Variants in CACNA2D2 observed in about 807,000 individuals in gnomAD.
The protein encoded by CACNA2D2 is voltage-dependent calcium channel subunit alpha-2/delta-2.
CACNA2D2 carries 48 observed loss-of-function variants against 166.4 expected under a neutral mutation model. The ratio of observed to expected loss-of-function variants is 0.29; its 90% CI spans 0.23 to 0.37. The LOEUF (loss-of-function observed/expected upper bound fraction) is 0.37. Ranked by LOEUF, CACNA2D2 falls within the 10% of genes least tolerant of loss-of-function variation. CACNA2D2 has a pLI of 1.00. For synonymous variants in CACNA2D2, 561 were observed against 573.7 expected (o/e 0.98, Z 0.32); for missense variants, 1,122 against 1,433.0 (o/e 0.78, Z 3.50).
chr3:50,410,934 A>T (rs1706982901), intron 3 of CACNA2D2, among the ~76,000 whole-genome samples: 1 of 152,248 alleles, frequency 6.6e-6, no homozygotes, highest in South Asian at 2.1e-4. Context: ...GGGAAAGCAC[A>T]TCCATGCTGC....
At chr3:50,455,417 G>A (rs937652114) in intron 2 of CACNA2D2, among the ~76,000 whole-genome samples, 1 of 152,176 alleles carries the variant, frequency 6.6e-6, no homozygotes, top group African/African-American at 2.4e-5. Flanking sequence ...ATATGCCTGC[G>A]ACCGGCACAT....
At chr3:50,499,531 G>C (rs1698867243) in intron 1 of CACNA2D2, among the ~76,000 whole-genome samples, 1 of 152,200 alleles carries the variant, frequency 6.6e-6, no homozygotes, top group South Asian at 2.1e-4. Flanking sequence ...TCCCAATGGA[G>C]CCTGCAAAGT....
intron 3 of CACNA2D2, among the ~76,000 whole-genome samples, chr3:50,399,375 G>A (rs1706325912): frequency 6.6e-6 from 1 of 152,202 alleles, no homozygotes; most frequent in African/African-American, 2.4e-5. Flanking sequence ...CAGAGGACAT[G>A]AGAGGCTTAG....
chr3:50,468,831 T>C (rs74283357), intron 2 of CACNA2D2, among the ~76,000 whole-genome samples: 130 of 142,852 alleles, frequency 9.1e-4, no homozygotes, highest in Non-Finnish European at 1.1e-3. Flanking sequence ...TTCTCTCTCT[T>C]TTTTTTTTTT....
In CACNA2D2 at chr3:50,367,591, T is replaced by G; in HGVS notation, c.2297+51A>C. On this transcript the variant is annotated intron_variant, in intron 26 of 37. Coordinates refer to ENST00000424201, the MANE Select transcript of CACNA2D2 (RefSeq NM_006030.4). The surrounding 1 kb of genome is among the most constrained non-coding windows in gnomAD (Gnocchi z 6.5). The stretch of plus-strand genomic sequence containing the variant: ...CAAGGAGGCCTCTGGGCAGAACAGA[T>G]GCAGGTTCCCTGGCAGGGGCAGGGT... 6.2e-7 allele frequency: 1 copy of G among 1,606,764 alleles called. No homozygotes were observed. The highest frequency in any genetic ancestry group is 8.5e-7 in the Non-Finnish European group (1 of 1,174,060).
chr3:50,443,133 C>G (rs567157168), intron 2 of CACNA2D2, among the ~76,000 whole-genome samples: 6 of 152,204 alleles, frequency 3.9e-5, no homozygotes. Flanking sequence ...CCAGCTGGCA[C>G]GGGGGAGTGC....
At chr3:50,499,735 G>C (rs551673102) in intron 1 of CACNA2D2, among the ~76,000 whole-genome samples, 1 of 152,368 alleles carries the variant, frequency 6.6e-6, no homozygotes, top group East Asian at 1.9e-4. Context: ...GGGGACATGA[G>C]TGTGACAAAG....
chr3:50,434,472 C>T (rs377733365), intron 2 of CACNA2D2, 43 bp from the exon 3 acceptor site: 12 of 1,416,726 alleles, frequency 8.5e-6, no homozygotes, highest in Admixed American at 3.4e-5. Flanking sequence ...GGTGGTCCCA[C>T]GTCCTCATGC....
In CACNA2D2 at chr3:50,376,883, C is replaced by G. The variant is rs1378769537; in HGVS notation, c.1626+584G>C. Among the ~76,000 whole-genome samples the G allele has an allele frequency of 6.6e-6, 1 of 152,210 alleles. No individual in the cohort carries two copies. ...AGCCACAATGCCATCTTGCCCCTAC[C>G]CTGGTTTATGATTGTTTTTCACCTT... On this transcript the variant is annotated intron_variant, in intron 17 of 37. Coordinates refer to ENST00000424201, the MANE Select transcript of CACNA2D2 (RefSeq NM_006030.4). The surrounding 1 kb of genome is among the most constrained non-coding windows in gnomAD (Gnocchi z 4.3).
At chr3:50,385,615 G>A (rs1003221252) in intron 5 of CACNA2D2, among the ~76,000 whole-genome samples, 25 of 152,228 alleles carry the variant, frequency 1.6e-4, no homozygotes, top group Non-Finnish European at 8.8e-5. Context: ...CTCTTTGAAG[G>A]TGGATTTTGT....
intron 2 of CACNA2D2, among the ~76,000 whole-genome samples, chr3:50,474,323 G>A (rs749269014): frequency 7.9e-5 from 12 of 152,178 alleles, no homozygotes; most frequent in African/African-American, 7.2e-5. Flanking sequence ...AAAAAGGGGC[G>A]TATCTGTATC....
chr3:50,420,455 G>A (rs1346627446), intron 3 of CACNA2D2, among the ~76,000 whole-genome samples: 1 of 152,212 alleles, frequency 6.6e-6, no homozygotes, highest in East Asian at 1.9e-4. Context: ...TTAAACTGCT[G>A]TGCTGCTCCC....
intron 3 of CACNA2D2, among the ~76,000 whole-genome samples, chr3:50,397,673 G>A (rs1330656682): frequency 1.3e-5 from 2 of 152,222 alleles, no homozygotes; most frequent in Non-Finnish European, 2.9e-5. Flanking sequence ...CTCAGCAGCT[G>A]CACATAGGCA....
chr3:50,453,027 G>A (rs1709177365), intron 2 of CACNA2D2, among the ~76,000 whole-genome samples: 1 of 152,180 alleles, frequency 6.6e-6, no homozygotes. Flanking sequence ...GAGTCTCAGA[G>A]TCTTTTCCCA....
chr3:50,428,376 G>C (rs975177705), intron 3 of CACNA2D2, among the ~76,000 whole-genome samples: 2 of 150,470 alleles, frequency 1.3e-5, no homozygotes, highest in African/African-American at 5.0e-5. Context: ...CAAAGGGAGC[G>C]GTCTGCTGCC....
rs188593714 is a variant in CACNA2D2, at chr3:50,393,377, G to A, written c.465+732C>T. Among the ~76,000 whole-genome samples, 317 of 152,308 alleles carry A rather than the reference G, an allele frequency of 2.1e-3. 1 individual carries two copies. Among genetic ancestry groups the A allele is most frequent in the Non-Finnish European group, 3.5e-3 (236 of 68,026 alleles). On this transcript the variant is annotated intron_variant, in intron 4 of 37. Coordinates refer to ENST00000424201, the MANE Select transcript of CACNA2D2 (RefSeq NM_006030.4). ...GTTCTCAAGGGTTCCATCATCCTTG[G>A]CACTGGGGCTTCCTTGAATCCAGGA...
chr3:50,365,525 G>A lies in CACNA2D2; in HGVS notation c.2972-43C>T, dbSNP rs761829248. On this transcript the variant is annotated intron_variant, in intron 34 of 37. Transcript: ENST00000424201. This position sits in a 1 kb window ranked among gnomAD's most constrained non-coding sequence, Gnocchi z 4.5. ...GCCTCAGCTCCGCCCACAGACCCTG[G>A]CAAGGTCTCCGGCCTCCCTCAGTCG... 10 of 1,606,120 alleles carry A rather than the reference G, an allele frequency of 6.2e-6. No homozygotes were observed. The South Asian group carries it at 1.1e-4, about 18-fold the overall frequency.
At chr3:50,478,263 C>A (rs1244496587) in intron 1 of CACNA2D2, among the ~76,000 whole-genome samples, 1 of 152,230 alleles carries the variant, frequency 6.6e-6, no homozygotes, top group Non-Finnish European at 1.5e-5. Flanking sequence ...AATTGACAGC[C>A]TGCGTGACCC....
intron 2 of CACNA2D2, among the ~76,000 whole-genome samples, chr3:50,437,341 A>G (rs560172478): frequency 1.3e-5 from 2 of 152,072 alleles, no homozygotes; most frequent in Non-Finnish European, 1.5e-5. Context: ...CATCCCCTCC[A>G]CCTTGCCCTG....
Sources: gnomAD v4.1 joint callset for allele counts (sites outside exome capture counted in the v4.1 genomes callset) on GRCh38, gnomAD v4.1.1 for gene constraint, Gnocchi (gnomAD v3.1) non-coding constraint, MANE v1.5 for transcripts, NCBI Gene and HGNC (gene_info 2026-07-23, HGNC 2026-07-21) for gene names.